The following IQCJ variants were observed in gnomAD, a reference collection of about 807,000 sequenced individuals.
IQCJ encodes the protein IQ domain-containing protein J.
Under a neutral mutation model 11.0 loss-of-function variants are expected in IQCJ, and 9 were observed. The observed-to-expected ratio is 0.82, with a 90% confidence interval of 0.49 to 1.43. The LOEUF (loss-of-function observed/expected upper bound fraction) is 1.43, where lower values mean the gene tolerates loss of function less well. Among genes scored for constraint, IQCJ ranks in the 40% most tolerant of loss-of-function variants. IQCJ has a pLI of 0.00. For synonymous variants in IQCJ, 55 were observed against 51.3 expected, an observed-to-expected ratio of 1.07 and a Z score of -0.31; for missense variants, 146 against 133.2, an observed-to-expected ratio of 1.10 and a Z score of -0.47.
chr3:159,260,713 G>A (rs1728154361), intron 3 of IQCJ, among the ~76,000 whole-genome samples: 1 of 152,138 alleles, frequency 6.6e-6, no homozygotes, highest in African/African-American at 2.4e-5. Context: ...TGCACTTTGA[G>A]CAAGATTTCG....
intron 1 of IQCJ, among the ~76,000 whole-genome samples, chr3:159,224,498 A>C (rs952150420): frequency 2.0e-5 from 3 of 152,206 alleles, no homozygotes; most frequent in South Asian, 2.1e-4. Context: ...TTTCCTTATA[A>C]ATTTGTTTCA....
At chr3:159,135,685 G>A (rs1489308620) in intron 1 of IQCJ, among the ~76,000 whole-genome samples, 1 of 152,156 alleles carries the variant, frequency 6.6e-6, no homozygotes, top group South Asian at 2.1e-4. Flanking sequence ...TATGGGTTAA[G>A]CATGGAGTAA....
intron 1 of IQCJ, among the ~76,000 whole-genome samples, chr3:159,116,600 C>T (rs1719013942): frequency 8.2e-6 from 1 of 121,240 alleles, no homozygotes; most frequent in African/African-American, 3.1e-5. Flanking sequence ...TCTATTTTAG[C>T]ATCCTGCTCA....
At chr3:159,213,050 A>G (rs1215889511) in intron 1 of IQCJ, among the ~76,000 whole-genome samples, 1 of 152,158 alleles carries the variant, frequency 6.6e-6, no homozygotes, top group Non-Finnish European at 1.5e-5. Flanking sequence ...CAAGGCAGGT[A>G]GATCTCCACA....
At chr3:159,121,323 C>T (rs946174951) in intron 1 of IQCJ, among the ~76,000 whole-genome samples, 5 of 151,812 alleles carry the variant, frequency 3.3e-5, no homozygotes, top group Admixed American at 3.3e-4. Flanking sequence ...TTTTTAGAGA[C>T]TGGGTCTTGC....
In IQCJ at chr3:159,156,509, TC is replaced by T. The variant is rs369385968; in HGVS notation, c.9+87070del. 4.0e-3 allele frequency among the ~76,000 whole-genome samples: 610 copies of T among 152,280 alleles called. 4 individuals carry two copies. Among genetic ancestry groups the T allele is most frequent in the African/African-American group, 0.013 (535 of 41,562 alleles). ...GACAAGTTTTGCTGTAGTGGAGTGT[TC>T]CTGTAGAAGAGAATGGGTCAGAAGG... On this transcript the variant is annotated intron_variant, in intron 1 of 3. Coordinates refer to ENST00000397832, the MANE Select transcript of IQCJ (RefSeq NM_001042706.3).
chr3:159,217,965 C>G (rs904028635), intron 1 of IQCJ, among the ~76,000 whole-genome samples: 1 of 151,954 alleles, frequency 6.6e-6, no homozygotes, highest in African/African-American at 2.4e-5. Context: ...TGGCTGCATT[C>G]TCTTCACTAT....
At chr3:159,219,008 C>A (rs999955446) in intron 1 of IQCJ, among the ~76,000 whole-genome samples, 7 of 152,120 alleles carry the variant, frequency 4.6e-5, no homozygotes, top group African/African-American at 1.2e-4. Flanking sequence ...ATTCTCACCC[C>A]TCTGCCTTCC....
intron 1 of IQCJ, among the ~76,000 whole-genome samples, chr3:159,238,713 G>A (rs1382323144): frequency 1.3e-5 from 2 of 152,100 alleles, no homozygotes. Context: ...GGAAAATTGG[G>A]GTCTTCCCGA....
intron 1 of IQCJ, among the ~76,000 whole-genome samples, chr3:159,174,516 G>A (rs1434895540): frequency 2.0e-5 from 3 of 152,004 alleles, no homozygotes; most frequent in Admixed American, 6.6e-5. Context: ...TTTTAGAGAA[G>A]TGGATCATTA....
intron 1 of IQCJ, among the ~76,000 whole-genome samples, chr3:159,229,006 G>A (rs1392426011): frequency 1.3e-5 from 2 of 152,122 alleles, no homozygotes; most frequent in African/African-American, 4.8e-5. Flanking sequence ...ATATGCAGGG[G>A]GTAAATGGAA....
intron 1 of IQCJ, among the ~76,000 whole-genome samples, chr3:159,229,352 A>T (rs1271905518): frequency 2.0e-5 from 3 of 152,130 alleles, no homozygotes; most frequent in African/African-American, 4.8e-5. Flanking sequence ...TATAACAGTC[A>T]GGCTTCTTTG....
At chr3:159,091,111 A>G (rs1717246852) in intron 1 of IQCJ, among the ~76,000 whole-genome samples, 1 of 151,658 alleles carries the variant, frequency 6.6e-6, no homozygotes, top group South Asian at 2.1e-4. Flanking sequence ...TTTAAGAACT[A>G]TAGTTCTGTC....
intron 1 of IQCJ, among the ~76,000 whole-genome samples, chr3:159,142,433 AC>A (rs201602884): frequency 0.043 from 4,554 of 104,698 alleles, 307 homozygotes; most frequent in East Asian, 0.3. Flanking sequence ...TCCCCCCCCC[AC>A]CAGATGGAGT....
intron 1 of IQCJ, among the ~76,000 whole-genome samples, chr3:159,243,448 G>C (rs1160190960): frequency 6.6e-6 from 1 of 152,176 alleles, no homozygotes. Context: ...AAAGAAATGA[G>C]CTATTGATAC....
chr3:159,137,789 T>C (rs1402382007), intron 1 of IQCJ, among the ~76,000 whole-genome samples: 1 of 152,172 alleles, frequency 6.6e-6, no homozygotes, highest in Admixed American at 6.5e-5. Context: ...ATGCTCTCAC[T>C]ATAAAAAGTG....
intron 1 of IQCJ, among the ~76,000 whole-genome samples, chr3:159,189,113 A>G (rs115685840): frequency 1.2e-3 from 183 of 152,264 alleles, no homozygotes; most frequent in African/African-American, 4.0e-3. Context: ...GAACTTTGAC[A>G]TGATAGAGAG....
intron 1 of IQCJ, among the ~76,000 whole-genome samples, chr3:159,117,953 A>AC (rs999632349): frequency 2.6e-5 from 4 of 152,084 alleles, no homozygotes; most frequent in African/African-American, 9.7e-5. Flanking sequence ...GATGCGCCTT[A>AC]CCCCCAGCTC....
chr3:159,109,807 T>A (rs1173554752), intron 1 of IQCJ, among the ~76,000 whole-genome samples: 2 of 152,202 alleles, frequency 1.3e-5, no homozygotes, highest in Admixed American at 6.5e-5. Flanking sequence ...CATCTTAAGA[T>A]GTTCCACTTC....
Sources: allele counts gnomAD v4.1 joint callset (sites outside exome capture counted in the v4.1 genomes callset), GRCh38; gene constraint gnomAD v4.1.1; transcripts MANE v1.5; gene names NCBI Gene and HGNC (gene_info 2026-07-23, HGNC 2026-07-21).